The following FANCA variants were observed in gnomAD, a reference collection of about 807,000 sequenced individuals.
FANCA encodes the protein Fanconi anemia group A protein.
FANCA carries 236 observed loss-of-function variants against 194.3 expected under a neutral mutation model. The observed-to-expected ratio is 1.21, with a 90% CI of 1.09 to 1.35. The LOEUF (loss-of-function observed/expected upper bound fraction) is 1.35. Among genes scored for constraint, FANCA ranks in the 40% most tolerant of loss-of-function variants. The probability of loss-of-function intolerance (pLI) is 0.00; values close to 1 mark genes in which losing one functional copy is unlikely to be tolerated. For synonymous variants in FANCA, 1,014 were observed against 715.8 expected (o/e 1.42, Z -6.65); for missense variants, 2,628 against 1,813.9 (o/e 1.45, Z -8.15).
rs1295424648 is a variant in FANCA at position 89,758,705 on chromosome 16, C to T, written c.2853G>A (p.Arg951=). ...PEADALSDTE[R]QDFHQWAIHE... ...GGATCGCCCACTGGTGGAAGTCCTG[C>T]CTAGAACAGCAAACACTGCTATCAA... The change falls in exon 30 of 43, where the codon CGG becomes CGA. Residue 951 remains arginine (R), a splice_region_variant and synonymous_variant. Coordinates refer to ENST00000389301, the MANE Select transcript of FANCA (RefSeq NM_000135.4). 1.9e-6 allele frequency: 3 copies of T among 1,613,446 alleles called. No individual in the cohort carries two copies. Among genetic ancestry groups the T allele is most frequent in the South Asian group, 2.2e-5 (2 of 91,080 alleles).
At chr16:89,755,311 A>G (rs1399768626) in intron 30 of FANCA, among the ~76,000 whole-genome samples, 1 of 151,266 alleles carries the variant, frequency 6.6e-6, no homozygotes, top group Non-Finnish European at 1.5e-5. Flanking sequence ...CCCAGGTTCA[A>G]GCAAGTCTCC....
intron 11 of FANCA, among the ~76,000 whole-genome samples, chr16:89,793,011 G>C (rs1360489749): frequency 6.6e-6 from 1 of 152,196 alleles, no homozygotes; most frequent in East Asian, 1.9e-4. Flanking sequence ...CAGGTGTACA[G>C]GATGGAACAT....
intron 39 of FANCA, 34 bp downstream of exon 39, chr16:89,739,960 C>T (rs753556877): frequency 9.9e-6 from 16 of 1,612,224 alleles, no homozygotes; most frequent in Non-Finnish European, 1.4e-5. Context: ...AAGAGCGGCC[C>T]TCCGCATTTG....
At chr16:89,806,420 G>A (rs1350672856) in intron 6 of FANCA, among the ~76,000 whole-genome samples, 2 of 143,634 alleles carry the variant, frequency 1.4e-5, no homozygotes, top group South Asian at 2.2e-4. Context: ...AGGGTCATAG[G>A]ACAATGGTGG....
chr16:89,760,446 G>A (rs936631366), intron 29 of FANCA, among the ~76,000 whole-genome samples: 1 of 152,210 alleles, frequency 6.6e-6, no homozygotes, highest in Non-Finnish European at 1.5e-5. Flanking sequence ...ATGGCCGGAA[G>A]GACGAGGAGC....
rs1335624386 is a variant in FANCA, at chr16:89,784,807, G to C, written c.1470+47C>G. The C allele has an allele frequency of 6.9e-6, 10 of 1,442,656 alleles. No individual in the cohort carries two copies. In the South Asian group the frequency reaches 1.0e-4, roughly 15 times the overall value. The allele number at this position is 1,442,656 out of a possible 1,614,324, so 89.4% of individuals were successfully genotyped here. On this transcript the variant is annotated intron_variant, in intron 15 of 42. Transcript: ENST00000389301. ...GCCAAGGCAGTCCTCAGATGCAGCA[G>C]GTGAGCGAAGCACCAGAAATCATGG...
chr16:89,759,318 T>TATAAAAAAA (rs2038866186), intron 29 of FANCA, among the ~76,000 whole-genome samples: 1 of 75,180 alleles, frequency 1.3e-5, no homozygotes, highest in African/African-American at 5.1e-5. Context: ...AGACTCCGTC[T>TATAAAAAAA]AAAAAAAAAA....
chr16:89,777,373 C>T (rs887858170), intron 20 of FANCA, among the ~76,000 whole-genome samples: 1 of 152,072 alleles, frequency 6.6e-6, no homozygotes, highest in African/African-American at 2.4e-5. Flanking sequence ...CAGAGTGGGA[C>T]CCTGTCTCAA....
chr16:89,769,944 T>A lies in FANCA; in HGVS notation c.2397A>T (p.Pro799=). 1 of 1,614,012 alleles carries A rather than the reference T, an allele frequency of 6.2e-7. No individual in the cohort carries two copies. Among genetic ancestry groups the A allele is most frequent in the Non-Finnish European group, 8.5e-7 (1 of 1,179,994 alleles). The change falls in exon 26 of 43, where the codon CCA becomes CCT. Residue 799 remains proline, a synonymous_variant. Transcript: ENST00000389301. Reference sequence around the variant, plus strand: ...GTGCAGGAGGACCCACATCCACCTCTGGGAGCGCAGACCTGGACTCACCCA... The same window carrying A: ...GTGCAGGAGGACCCACATCCACCTCAGGGAGCGCAGACCTGGACTCACCCA... ...VHLGESRSAL[P]EVDVGPPAPG...
chr16:89,738,509 T>C lies in FANCA; in HGVS notation c.*92A>G. 3 of 1,579,800 alleles carry C rather than the reference T, an allele frequency of 1.9e-6. No homozygotes were observed. The highest frequency in any genetic ancestry group is 2.6e-6 in the Non-Finnish European group (3 of 1,152,906). Reference sequence around the variant, plus strand: ...CCACTAAAGCAGTCGAGGAGATTTGTAATCCACTTTTTAGTGCAACAAGAG... The same window carrying C: ...CCACTAAAGCAGTCGAGGAGATTTGCAATCCACTTTTTAGTGCAACAAGAG... On this transcript the variant is annotated 3_prime_UTR_variant, in exon 43 of 43. Transcript: ENST00000389301.
At chr16:89,812,134 G>A (rs1177901076) in intron 3 of FANCA, among the ~76,000 whole-genome samples, 2 of 150,490 alleles carry the variant, frequency 1.3e-5, no homozygotes, top group South Asian at 2.1e-4. Context: ...AGGAGATCGA[G>A]ACCATCCTGG....
rs767573205 is a variant in FANCA, at chr16:89,748,037, A to C, written c.3348+622T>G. On this transcript the variant is annotated intron_variant, in intron 33 of 42. Transcript: ENST00000389301. ...ATTACTCCTCCTGACCCAGCCTCTC[A>C]AGTAGGTGGGAGTACAGGCGTGCAC... Among the ~76,000 whole-genome samples, 3 of 152,202 alleles carry C rather than the reference A, an allele frequency of 2.0e-5. No homozygotes were observed. In the South Asian group the frequency reaches 6.2e-4, roughly 32 times the overall value.
At position 89,744,922 on chromosome 16, in the gene FANCA, C is replaced by G. The variant is rs375073580; in HGVS notation, c.3626+37G>C. The stretch of plus-strand genomic sequence containing the variant: ...ACCTTGAGCAGGTCCCGAAGTGCAT[C>G]TGGGCGGGCACACCCCATCTCACCA... On this transcript the variant is annotated intron_variant, in intron 36 of 42. Transcript: ENST00000389301. 3.0e-5 allele frequency: 48 copies of G among 1,585,942 alleles called. No homozygotes were observed. In the African/African-American group the frequency reaches 5.9e-4, roughly 20 times the overall value.
intron 11 of FANCA, 87 bp from the exon 12 acceptor site, chr16:89,792,634 G>A: frequency 8.7e-7 from 1 of 1,148,172 alleles, no homozygotes; most frequent in Non-Finnish European, 1.3e-6. Flanking sequence ...CAGGGTCGGT[G>A]GGTCTCTCCC....
At position 89,758,810 on chromosome 16, in the gene FANCA, G is replaced by C. The variant is rs957887587; in HGVS notation, c.2853-105C>G. 6.3e-5 allele frequency: 98 copies of C among 1,557,954 alleles called. No homozygotes were observed. The African/African-American group carries it at 1.2e-3, about 18-fold the overall frequency. ...AGTAAGGGACACACAGCACTAGTGAGAGCTGGGTTGAGACTGGCGGCTCGG... is the reference window on the plus strand; with the variant it reads ...AGTAAGGGACACACAGCACTAGTGACAGCTGGGTTGAGACTGGCGGCTCGG... On this transcript the variant is annotated intron_variant, in intron 29 of 42. Coordinates refer to ENST00000389301, the MANE Select transcript of FANCA (RefSeq NM_000135.4).
Position 89,790,629 on chromosome 16 carries a change from T to C in FANCA, c.1359+774A>G, listed in dbSNP as rs931957902. Among the ~76,000 whole-genome samples the C allele has an allele frequency of 1.5e-4, 22 of 150,192 alleles. 1 individual carries two copies. Among genetic ancestry groups the C allele is most frequent in the Admixed American group, 1.4e-3 (21 of 15,026 alleles). On this transcript the variant is annotated intron_variant, in intron 14 of 42. Transcript: ENST00000389301. ...CTGTAATCCCAGCTACTCAGGAGGCTGAGGCAGGAGAATAGCTTGAAACGG... is the reference window on the plus strand; with the variant it reads ...CTGTAATCCCAGCTACTCAGGAGGCCGAGGCAGGAGAATAGCTTGAAACGG...
At position 89,745,046 on chromosome 16, in the gene FANCA, A is replaced by G; in HGVS notation, c.3539T>C (p.Val1180Ala). ...GTGTCTCCTCCACCGGCAGAGCAGC[A>G]CAGGCTCCAGGCTCGGCCACCACAC... ...ALVWWPSLEPVLLCRWRRHCQ... is the reference protein window; with the variant it reads ...ALVWWPSLEPALLCRWRRHCQ... The change falls in exon 36 of 43, where the codon GTG becomes GCG. Residue 1180 changes from valine to alanine, a missense_variant. Coordinates refer to ENST00000389301, the MANE Select transcript of FANCA (RefSeq NM_000135.4). 6.2e-7 allele frequency: 1 copy of G among 1,609,038 alleles called. No homozygotes were observed. Among genetic ancestry groups the G allele is most frequent in the Non-Finnish European group, 8.5e-7 (1 of 1,179,600 alleles).
At position 89,738,970 on chromosome 16, in the gene FANCA, T is replaced by C. The variant is rs1385967375; in HGVS notation, c.4172A>G (p.Asn1391Ser). Residue 1391 changes from asparagine (N) to serine (S), a missense_variant, in exon 42 of 43, where the codon AAC becomes AGC. Transcript: ENST00000389301. ...AGCTTTTGTTATCAGTTCCACGGGGTTGCCCTAGAGAGAAAACAGGCAAAC... is the reference window on the plus strand; with the variant it reads ...AGCTTTTGTTATCAGTTCCACGGGGCTGCCCTAGAGAGAAAACAGGCAAAC... ...GRSLELKGQGNPVELITKARL... is the reference protein window; with the variant it reads ...GRSLELKGQGSPVELITKARL... 6.2e-7 allele frequency: 1 copy of C among 1,613,960 alleles called. No homozygotes were observed. The highest frequency in any genetic ancestry group is 1.3e-5 in the African/African-American group (1 of 74,900).
intron 30 of FANCA, among the ~76,000 whole-genome samples, chr16:89,752,697 C>A (rs956746512): frequency 1.3e-5 from 2 of 152,180 alleles, no homozygotes; most frequent in Non-Finnish European, 2.9e-5. Flanking sequence ...AGGGGATATA[C>A]TGAGGTGTGA....
Sources: gnomAD v4.1 joint callset for allele counts (sites outside exome capture counted in the v4.1 genomes callset) on GRCh38, gnomAD v4.1.1 for gene constraint, MANE v1.5 for transcripts, NCBI Gene and HGNC (gene_info 2026-07-23, HGNC 2026-07-21) for gene names.